The following HS6ST2 variants were observed in gnomAD, a reference collection of about 807,000 sequenced individuals.
The protein encoded by HS6ST2 is heparan sulfate 6-O-sulfotransferase 2.
A neutral mutation model predicts 33.0 loss-of-function variants in HS6ST2; 17 were observed. The observed-to-expected ratio is 0.52, with a 90% CI of 0.35 to 0.77. The LOEUF is 0.77. HS6ST2 is among the 30% of genes least tolerant of loss of function. HS6ST2 has a pLI of 0.01. For synonymous variants in HS6ST2, 248 were observed against 237.1 expected, an observed-to-expected ratio of 1.05 and a Z score of -0.42; for missense variants, 519 against 551.7, an observed-to-expected ratio of 0.94 and a Z score of 0.59.
chrX:132,713,778 G>C (rs1196937891), intron 2 of HS6ST2, among the ~76,000 whole-genome samples: 1 of 110,603 alleles, frequency 9.0e-6, no homozygotes, highest in Admixed American at 9.6e-5. Context: ...TTTTCACAGT[G>C]TCTGCCCTCC....
chrX:132,699,586 T>G (rs1310704584), intron 3 of HS6ST2, among the ~76,000 whole-genome samples: 1 of 112,287 alleles, frequency 8.9e-6, no homozygotes, highest in Non-Finnish European at 1.9e-5. Context: ...TAATTACAAC[T>G]AATTCGTTTT....
At chrX:132,791,283 G>A (rs1400277783) in intron 2 of HS6ST2, among the ~76,000 whole-genome samples, 1 of 112,128 alleles carries the variant, frequency 8.9e-6, no homozygotes, top group African/African-American at 3.2e-5. Flanking sequence ...AAACTTGTAA[G>A]TATACCATTG....
At chrX:132,709,005 G>T (rs769508746) in intron 2 of HS6ST2, among the ~76,000 whole-genome samples, 2 of 112,301 alleles carry the variant, frequency 1.8e-5, no homozygotes, top group East Asian at 5.6e-4. Context: ...TCTTTAAAAA[G>T]ATGAAAATTC....
intron 2 of HS6ST2, among the ~76,000 whole-genome samples, chrX:132,736,208 CTT>C (rs776709575): frequency 9.0e-6 from 1 of 111,434 alleles, no homozygotes; most frequent in Non-Finnish European, 1.9e-5. Flanking sequence ...CTCAGTTTCC[CTT>C]TCTGTAAAAC....
rs750052997 is a variant in HS6ST2 at position 132,628,394 on chromosome X, T to C, written c.1767A>G (p.Pro589=). 7.9e-5 allele frequency: 94 copies of C among 1,190,589 alleles called. No individual in the cohort carries two copies. Among genetic ancestry groups the C allele is most frequent in the Non-Finnish European group, 1.0e-4 (91 of 881,552 alleles). ...QNPNQNQSQN[P]NPNANQNLTQ... is the part of the protein sequence containing the mutation. The stretch of plus-strand genomic sequence containing the variant: ...TCAGGTTCTGATTGGCATTCGGATT[T>C]GGGTTCTGACTCTGATTCTGATTCG... The change falls in exon 5 of 5, where the codon CCA becomes CCG. Residue 589 remains proline (P), a synonymous_variant. Coordinates refer to ENST00000370833, the MANE Select transcript of HS6ST2 (RefSeq NM_001394073.1).
At chrX:132,754,418 CTT>C (rs774142302) in intron 2 of HS6ST2, among the ~76,000 whole-genome samples, 5 of 96,662 alleles carry the variant, frequency 5.2e-5, no homozygotes, top group Non-Finnish European at 8.4e-5. Flanking sequence ...CCATACTGCA[CTT>C]TTTTTTTTTT....
At chrX:132,671,472 GC>G (rs1449174015) in intron 3 of HS6ST2, among the ~76,000 whole-genome samples, 3 of 87,067 alleles carry the variant, frequency 3.4e-5, no homozygotes, top group African/African-American at 1.3e-4. Flanking sequence ...TTTTGATAAA[GC>G]AAAATCCCCC....
At chrX:132,734,374 GAGAAAGA>G (rs2064488073) in intron 2 of HS6ST2, among the ~76,000 whole-genome samples, 1 of 109,737 alleles carries the variant, frequency 9.1e-6, no homozygotes, top group Admixed American at 9.8e-5. Flanking sequence ...TAGAGAGAGG[GAGAAAGA>G]AGACCTAGCA....
rs1219383166 is a variant in HS6ST2, at chrX:132,637,824, AATAT to A, written c.1068-8735_1068-8732del. 9.9e-3 allele frequency among the ~76,000 whole-genome samples: 575 copies of A among 58,111 alleles called. 12 individuals carry two copies. The highest frequency in any genetic ancestry group is 0.046 in the African/African-American group (562 of 12,241). 50.5% of individuals were successfully genotyped at this position (58,111 alleles called of 115,157 possible). On this transcript the variant is annotated intron_variant, in intron 4 of 4. Transcript: ENST00000370833. Reference sequence around the variant, plus strand: ...ATATTATATATTATTTTATATATATAATATTATATATAATATTTTATATATAATA... The same window carrying A: ...ATATTATATATTATTTTATATATATATATATATAATATTTTATATATAATA...
At chrX:132,798,755 C>T (rs1017496673) in intron 2 of HS6ST2, among the ~76,000 whole-genome samples, 1 of 111,858 alleles carries the variant, frequency 8.9e-6, no homozygotes, top group Non-Finnish European at 1.9e-5. Context: ...GGAAAAGACT[C>T]CAGATCTGAT....
intron 2 of HS6ST2, among the ~76,000 whole-genome samples, chrX:132,947,109 T>A (rs779462046): frequency 9.0e-6 from 1 of 111,364 alleles, no homozygotes; most frequent in East Asian, 2.8e-4. Context: ...TCACTGAAGT[T>A]TTTCAAGAGT....
intron 2 of HS6ST2, among the ~76,000 whole-genome samples, chrX:132,734,741 G>A (rs761894422): frequency 3.6e-4 from 41 of 112,582 alleles, no homozygotes; most frequent in Middle Eastern, 4.6e-3. Context: ...CAGGCTTCCC[G>A]AAAAACAGAA....
chrX:132,774,711 C>T lies in HS6ST2; in HGVS notation c.948-66217G>A, dbSNP rs748888571. Among the ~76,000 whole-genome samples the T allele has an allele frequency of 1.4e-4, 15 of 110,942 alleles. No homozygotes were observed. In the South Asian group the frequency reaches 2.4e-3, roughly 17 times the overall value. On this transcript the variant is annotated intron_variant, in intron 2 of 4. Coordinates refer to ENST00000370833, the MANE Select transcript of HS6ST2 (RefSeq NM_001394073.1). Reference sequence around the variant, plus strand: ...TTTTTTCTTTTTTGATCTGGAGTCTCGCTCTGTCGCCCAGGCTGGAGTGCA... The same window carrying T: ...TTTTTTCTTTTTTGATCTGGAGTCTTGCTCTGTCGCCCAGGCTGGAGTGCA...
At chrX:132,949,311 A>G (rs2066986372) in intron 2 of HS6ST2, among the ~76,000 whole-genome samples, 1 of 109,291 alleles carries the variant, frequency 9.1e-6, no homozygotes, top group African/African-American at 3.3e-5. Context: ...GGCTGAGCAG[A>G]ATAAGCTTTA....
At chrX:132,848,606 C>T (rs1465456462) in intron 2 of HS6ST2, among the ~76,000 whole-genome samples, 1 of 111,530 alleles carries the variant, frequency 9.0e-6, no homozygotes, top group Non-Finnish European at 1.9e-5. Context: ...AAAGAGAGGT[C>T]TCTTAACTCC....
At chrX:132,789,767 C>T (rs1217030532) in intron 2 of HS6ST2, among the ~76,000 whole-genome samples, 1 of 111,517 alleles carries the variant, frequency 9.0e-6, no homozygotes, top group East Asian at 2.8e-4. Context: ...CCTCATTAAT[C>T]ACTTTGGGGG....
chrX:132,749,107 C>T lies in HS6ST2; in HGVS notation c.948-40613G>A, dbSNP rs747330179. On this transcript the variant is annotated intron_variant, in intron 2 of 4. Transcript: ENST00000370833. ...CTCAAATATCACCTCCTCTGAGCAGCCTTTCCTGACCCTCTCCCCTCACAG... is the reference window on the plus strand; with the variant it reads ...CTCAAATATCACCTCCTCTGAGCAGTCTTTCCTGACCCTCTCCCCTCACAG... Among the ~76,000 whole-genome samples the T allele has an allele frequency of 5.3e-5, 6 of 112,189 alleles. No homozygotes were observed. In the South Asian group the frequency reaches 2.3e-3, roughly 42 times the overall value.
chrX:132,802,263 C>T (rs1159011711), intron 2 of HS6ST2, among the ~76,000 whole-genome samples: 4 of 111,815 alleles, frequency 3.6e-5, no homozygotes, highest in Non-Finnish European at 7.5e-5. Flanking sequence ...AAAGTGGTGA[C>T]ACTCACTTAT....
chrX:132,806,800 C>T lies in HS6ST2; in HGVS notation c.948-98306G>A, dbSNP rs188775898. ...CAGGCAAGCTGCAGGCCATGGTTTG[C>T]GGGCCCTGTCCTAGAGGAAAACTGT... On this transcript the variant is annotated intron_variant, in intron 2 of 4. Coordinates refer to ENST00000370833, the MANE Select transcript of HS6ST2 (RefSeq NM_001394073.1). 3.1e-4 allele frequency among the ~76,000 whole-genome samples: 34 copies of T among 109,622 alleles called. 1 individual carries two copies. The highest frequency in any genetic ancestry group is 9.8e-4 in the Admixed American group (10 of 10,228).
Sources: gnomAD v4.1 joint callset for allele counts (sites outside exome capture counted in the v4.1 genomes callset) on GRCh38, gnomAD v4.1.1 for gene constraint, MANE v1.5 for transcripts, NCBI Gene and HGNC (gene_info 2026-07-23, HGNC 2026-07-21) for gene names.